MERTK: variants seen among roughly 807,000 people sequenced by gnomAD.
MERTK encodes tyrosine-protein kinase Mer.
MERTK carries 69 observed loss-of-function variants against 99.3 expected under a neutral mutation model. That is an observed-to-expected ratio of 0.70 (90% CI 0.57 to 0.85). The LOEUF (loss-of-function observed/expected upper bound fraction) is 0.85, where lower values mean the gene tolerates loss of function less well. Among genes scored for constraint, MERTK ranks in the 40% least tolerant of loss-of-function variants. The probability of loss-of-function intolerance (pLI) is 0.00; values close to 1 mark genes in which losing one functional copy is unlikely to be tolerated. For synonymous variants in MERTK, 426 were observed against 467.6 expected (o/e 0.91, Z 1.15); for missense variants, 1,125 against 1,249.4 (o/e 0.90, Z 1.50).
At chr2:111,950,239 A>G (rs1158107337) in intron 4 of MERTK, among the ~76,000 whole-genome samples, 1 of 152,184 alleles carries the variant, frequency 6.6e-6, no homozygotes, top group African/African-American at 2.4e-5. Flanking sequence ...CCTGGCCAGT[A>G]CATCATTTTT....
intron 10 of MERTK, among the ~76,000 whole-genome samples, chr2:111,999,033 A>G (rs1490019108): frequency 6.6e-6 from 1 of 152,178 alleles, no homozygotes; most frequent in African/African-American, 2.4e-5. Flanking sequence ...ATTATATCGA[A>G]TAGTCAAAAG....
At chr2:111,917,458 T>C (rs941927025) in intron 1 of MERTK, among the ~76,000 whole-genome samples, 9 of 152,196 alleles carry the variant, frequency 5.9e-5, no homozygotes, top group African/African-American at 2.2e-4. Flanking sequence ...GGGCTGCCCC[T>C]TTCCTTGTCT....
intron 18 of MERTK, among the ~76,000 whole-genome samples, chr2:112,027,406 AC>A (rs1441490189): frequency 3.9e-5 from 6 of 152,088 alleles, no homozygotes; most frequent in East Asian, 1.9e-4. Flanking sequence ...AAGAAAAAAA[AC>A]ATTTTTAATG....
intron 4 of MERTK, among the ~76,000 whole-genome samples, chr2:111,961,156 CTT>C (rs1052197732): frequency 5.2e-4 from 51 of 98,038 alleles, no homozygotes; most frequent in Middle Eastern, 8.5e-3. Flanking sequence ...AATTTTCTTT[CTT>C]TTTTTTTTTT....
chr2:111,918,161 C>G (rs1281789294), intron 1 of MERTK, among the ~76,000 whole-genome samples: 1 of 152,074 alleles, frequency 6.6e-6, no homozygotes, highest in African/African-American at 2.4e-5. Context: ...TATTTAATAT[C>G]TAGTGTTCTG....
intron 18 of MERTK, among the ~76,000 whole-genome samples, chr2:112,027,473 G>C (rs1160832954): frequency 6.6e-6 from 1 of 152,002 alleles, no homozygotes; most frequent in Non-Finnish European, 1.5e-5. Flanking sequence ...ATTGTCATCT[G>C]TCTTACTGTG....
Position 111,898,789 on chromosome 2 carries a change from G to C in MERTK, c.54G>C (p.Trp18Cys). ...LLLGLFLPAL[W>C]RRAITEAREE... Reference sequence around the variant, plus strand: ...TGGGCCTCTTCCTCCCCGCGCTCTGGCGTAGAGGTGAGTGCGCCCGGCTGG... The same window carrying C: ...TGGGCCTCTTCCTCCCCGCGCTCTGCCGTAGAGGTGAGTGCGCCCGGCTGG... The change falls in exon 1 of 19, where the codon TGG (tryptophan) becomes TGC (cysteine). Residue 18 changes from tryptophan to cysteine, a missense_variant. By Grantham distance (215) the Trp-to-Cys change is radical (BLOSUM62 -2). Transcript: ENST00000295408. 6.3e-7 allele frequency: 1 copy of C among 1,595,302 alleles called. No individual in the cohort carries two copies. The highest frequency in any genetic ancestry group is 8.5e-7 in the Non-Finnish European group (1 of 1,171,802).
intron 1 of MERTK, among the ~76,000 whole-genome samples, chr2:111,904,608 T>A (rs1684104304): frequency 6.6e-6 from 1 of 152,126 alleles, no homozygotes; most frequent in African/African-American, 2.4e-5. Flanking sequence ...ACTCCTGACC[T>A]CGCGATCCAC....
chr2:112,009,003 C>T (rs1677042002), intron 14 of MERTK, among the ~76,000 whole-genome samples: 1 of 152,108 alleles, frequency 6.6e-6, no homozygotes, highest in South Asian at 2.1e-4. Flanking sequence ...GCTCCATTAG[C>T]CAAAAATTAC....
At chr2:111,951,022 A>G (rs1243869924) in intron 4 of MERTK, among the ~76,000 whole-genome samples, 1 of 151,976 alleles carries the variant, frequency 6.6e-6, no homozygotes, top group African/African-American at 2.4e-5. Context: ...TTGGAATTGT[A>G]TGTACTTAAG....
At chr2:111,920,235 G>A (rs187763750) in intron 1 of MERTK, among the ~76,000 whole-genome samples, 216 of 152,290 alleles carry the variant, frequency 1.4e-3, no homozygotes, top group South Asian at 4.4e-3. Context: ...TCCTTCCACC[G>A]TGCAGGCATT....
At chr2:112,014,536 T>G (rs1366310620) in intron 15 of MERTK, among the ~76,000 whole-genome samples, 1 of 105,454 alleles carries the variant, frequency 9.5e-6, no homozygotes, top group African/African-American at 3.0e-5. Flanking sequence ...AGAGTGCATT[T>G]TGTAGCAAAA....
intron 15 of MERTK, among the ~76,000 whole-genome samples, chr2:112,018,403 A>C (rs1677262463): frequency 6.6e-6 from 1 of 152,210 alleles, no homozygotes; most frequent in Admixed American, 6.5e-5. Flanking sequence ...TACCCAAATA[A>C]TACAGAATAG....
intron 2 of MERTK, among the ~76,000 whole-genome samples, chr2:111,932,957 T>C (rs1373250030): frequency 2.6e-5 from 4 of 152,166 alleles, no homozygotes; most frequent in Admixed American, 6.5e-5. Flanking sequence ...GGAGATGTTA[T>C]TTGTTTTTTA....
intron 1 of MERTK, among the ~76,000 whole-genome samples, chr2:111,927,948 C>A (rs190860756): frequency 6.6e-6 from 1 of 152,110 alleles, no homozygotes; most frequent in African/African-American, 2.4e-5. Context: ...TCCCTCCCAA[C>A]GTATTTGAAT....
chr2:111,972,032 G>C (rs1306960496), intron 6 of MERTK, among the ~76,000 whole-genome samples: 1 of 151,994 alleles, frequency 6.6e-6, no homozygotes, highest in Non-Finnish European at 1.5e-5. Flanking sequence ...TTATTTATTT[G>C]TTTGTTTGTT....
chr2:112,000,507 G>A (rs1400397200), intron 10 of MERTK, among the ~76,000 whole-genome samples: 2 of 152,174 alleles, frequency 1.3e-5, no homozygotes, highest in Non-Finnish European at 2.9e-5. Context: ...TTTGTAGGAT[G>A]CCCCTCTATT....
chr2:111,898,734 G>A lies in MERTK; in HGVS notation c.-2G>A, dbSNP rs1573554177. 6.2e-7 allele frequency: 1 copy of A among 1,606,290 alleles called. No individual in the cohort carries two copies. Among genetic ancestry groups the A allele is most frequent in the East Asian group, 2.2e-5 (1 of 44,644 alleles). ...GAGAAATTACAGATCCGCAGCCCCG[G>A]GATGGGGCCGGCCCCGCTGCCGCTG... On this transcript the variant is annotated 5_prime_UTR_variant, in exon 1 of 19. Transcript: ENST00000295408.
chr2:112,011,523 G>A (rs1382519307), intron 15 of MERTK, among the ~76,000 whole-genome samples: 1 of 152,106 alleles, frequency 6.6e-6, no homozygotes, highest in Non-Finnish European at 1.5e-5. Flanking sequence ...AGGCTGAGGC[G>A]GGGGAATCAC....
Sources: gnomAD v4.1 joint callset for allele counts (sites outside exome capture counted in the v4.1 genomes callset) on GRCh38, gnomAD v4.1.1 for gene constraint, MANE v1.5 for transcripts, NCBI Gene and HGNC (gene_info 2026-07-23, HGNC 2026-07-21) for gene names.